NOS1AP: variants seen among roughly 807,000 people sequenced by gnomAD.
The protein encoded by NOS1AP is carboxyl-terminal PDZ ligand of neuronal nitric oxide synthase protein.
Under a neutral mutation model 56.2 loss-of-function variants are expected in NOS1AP, and 21 were observed. The observed-to-expected ratio is 0.37, with a 90% CI of 0.26 to 0.54. The LOEUF is 0.54. Among genes scored for constraint, NOS1AP ranks in the 20% least tolerant of loss-of-function variants. The pLI is 0.84. For synonymous variants in NOS1AP, 270 were observed against 274.6 expected, an observed-to-expected ratio of 0.98 and a Z score of 0.17; for missense variants, 522 against 657.8, an observed-to-expected ratio of 0.79 and a Z score of 2.26.
intron 7 of NOS1AP, among the ~76,000 whole-genome samples, chr1:162,356,268 ATCG>A (rs1489788426): frequency 6.6e-6 from 1 of 152,244 alleles, no homozygotes; most frequent in Non-Finnish European, 1.5e-5. Context: ...AATTCTATGA[ATCG>A]TAGAAGCCAT....
At chr1:162,203,719 T>C (rs544446978) in intron 2 of NOS1AP, among the ~76,000 whole-genome samples, 1 of 152,276 alleles carries the variant, frequency 6.6e-6, no homozygotes, top group East Asian at 1.9e-4. Flanking sequence ...ATGCATGTGA[T>C]GTAGATGATG....
intron 2 of NOS1AP, among the ~76,000 whole-genome samples, chr1:162,249,303 C>T (rs1653774790): frequency 6.6e-6 from 1 of 152,134 alleles, no homozygotes; most frequent in Non-Finnish European, 1.5e-5. Context: ...TTTAAAATGT[C>T]CATATGACTC....
chr1:162,110,986 C>T (rs953719505), intron 1 of NOS1AP, among the ~76,000 whole-genome samples: 2 of 152,174 alleles, frequency 1.3e-5, no homozygotes, highest in African/African-American at 4.8e-5. Context: ...TACTCTATGC[C>T]AGGTACTGTC....
At chr1:162,341,693 G>A (rs796631059) in intron 5 of NOS1AP, among the ~76,000 whole-genome samples, 17 of 152,264 alleles carry the variant, frequency 1.1e-4, no homozygotes, top group African/African-American at 4.1e-4. Context: ...TGCCGTAGAC[G>A]ATTAACCATA....
intron 2 of NOS1AP, among the ~76,000 whole-genome samples, chr1:162,264,405 C>CCTCTCTT (rs1654334838): frequency 3.6e-4 from 1 of 2,754 alleles, no homozygotes; most frequent in Non-Finnish European, 1.8e-3. Context: ...GCCCTCTCCT[C>CCTCTCTT]TTCTCTTCCC....
chr1:162,193,575 C>T (rs1375413752), intron 2 of NOS1AP, among the ~76,000 whole-genome samples: 7 of 152,102 alleles, frequency 4.6e-5, no homozygotes, highest in Non-Finnish European at 1.0e-4. Flanking sequence ...TCGCCTTGAC[C>T]ATTTACTGAA....
chr1:162,089,093 C>T (rs978675594), intron 1 of NOS1AP, among the ~76,000 whole-genome samples: 1 of 152,074 alleles, frequency 6.6e-6, no homozygotes, highest in Non-Finnish European at 1.5e-5. Flanking sequence ...ATCTTGGCAC[C>T]AGGGATGCTA....
At chr1:162,285,583 T>C (rs1233399393) in intron 2 of NOS1AP, among the ~76,000 whole-genome samples, 1 of 149,036 alleles carries the variant, frequency 6.7e-6, no homozygotes, top group Non-Finnish European at 1.5e-5. Context: ...GGTCCTGTCC[T>C]ACCTAAGCCA....
chr1:162,070,739 G>A (rs374130487), intron 1 of NOS1AP, among the ~76,000 whole-genome samples: 1 of 151,970 alleles, frequency 6.6e-6, no homozygotes, highest in South Asian at 2.1e-4. Context: ...TTGAAGAAAA[G>A]AATCCAGATT....
intron 2 of NOS1AP, among the ~76,000 whole-genome samples, chr1:162,167,073 T>C (rs1650536267): frequency 6.6e-6 from 1 of 152,212 alleles, no homozygotes; most frequent in South Asian, 2.1e-4. Context: ...ATGGGGCAGC[T>C]GCTGTTCCTT....
At chr1:162,360,969 G>T (rs1280373517) in intron 8 of NOS1AP, 2 of 455,972 alleles carry the variant, frequency 4.4e-6, no homozygotes, top group Non-Finnish European at 8.8e-6. Context: ...TGGTGTGGCT[G>T]GGTGGGTTGA....
intron 2 of NOS1AP, among the ~76,000 whole-genome samples, chr1:162,182,579 A>G (rs979399563): frequency 6.6e-6 from 1 of 152,184 alleles, no homozygotes; most frequent in Non-Finnish European, 1.5e-5. Flanking sequence ...TTACAGTAGA[A>G]CTTCTTTCAA....
intron 6 of NOS1AP, among the ~76,000 whole-genome samples, chr1:162,352,048 C>T (rs1488734420): frequency 7.2e-6 from 1 of 138,742 alleles, no homozygotes; most frequent in Admixed American, 7.3e-5. Flanking sequence ...TTTGTAGGCT[C>T]TGCTTCTTCG....
intron 2 of NOS1AP, among the ~76,000 whole-genome samples, chr1:162,209,051 A>G (rs143852380): frequency 0.011 from 1,707 of 152,306 alleles, 14 homozygotes; most frequent in Middle Eastern, 0.031. Context: ...AAATTCTGCA[A>G]CCCTTTTTCA....
At chr1:162,246,061 T>C (rs904730485) in intron 2 of NOS1AP, among the ~76,000 whole-genome samples, 4 of 152,084 alleles carry the variant, frequency 2.6e-5, no homozygotes, top group Non-Finnish European at 5.9e-5. Context: ...TACAATTCTA[T>C]CGAAAGAGTA....
At chr1:162,247,994 A>G (rs945379238) in intron 2 of NOS1AP, among the ~76,000 whole-genome samples, 7 of 152,278 alleles carry the variant, frequency 4.6e-5, no homozygotes, top group African/African-American at 1.4e-4. Context: ...AATTAAAATC[A>G]AAAGCTGGTC....
At chr1:162,074,274 C>T (rs1186249270) in intron 1 of NOS1AP, among the ~76,000 whole-genome samples, 7 of 152,196 alleles carry the variant, frequency 4.6e-5, no homozygotes, top group Non-Finnish European at 8.8e-5. Context: ...GCCTCTGCCT[C>T]ACTTAATCCT....
intron 2 of NOS1AP, among the ~76,000 whole-genome samples, chr1:162,193,749 G>C (rs1235563689): frequency 1.3e-5 from 2 of 152,156 alleles, no homozygotes; most frequent in African/African-American, 4.8e-5. Context: ...CAGAAATCAA[G>C]CTAGATCTTT....
chr1:162,260,044 T>G (rs1422437816), intron 2 of NOS1AP, among the ~76,000 whole-genome samples: 1 of 152,154 alleles, frequency 6.6e-6, no homozygotes. Flanking sequence ...GTTGTTTCTA[T>G]GGAAACAATG....
Sources: gnomAD v4.1 joint callset for allele counts (sites outside exome capture counted in the v4.1 genomes callset) on GRCh38, gnomAD v4.1.1 for gene constraint, MANE v1.5 for transcripts, NCBI Gene and HGNC (gene_info 2026-07-23, HGNC 2026-07-21) for gene names.